DLGAP1: variants seen among roughly 807,000 people sequenced by gnomAD.
DLGAP1 encodes the protein DLG associated protein 1.
Under a neutral mutation model 90.8 loss-of-function variants are expected in DLGAP1, and 11 were observed. That is an observed-to-expected ratio of 0.12 (90% CI 0.08 to 0.20). The LOEUF is 0.20. DLGAP1 is among the 10% of genes least tolerant of loss of function. The pLI, the probability that DLGAP1 is intolerant of heterozygous loss-of-function variation, is 1.00. For synonymous variants in DLGAP1, 558 were observed against 540.7 expected (o/e 1.03, Z -0.44); for missense variants, 1,050 against 1,333.8 (o/e 0.79, Z 3.31).
chr18:4,089,970 G>A (rs1041488983), intron 2 of DLGAP1, among the ~76,000 whole-genome samples: 3 of 152,110 alleles, frequency 2.0e-5, no homozygotes, highest in East Asian at 1.9e-4. Context: ...GCGTGAACCC[G>A]GGAGGCGGAG....
At chr18:4,419,461 AG>A (rs2144669199) in intron 1 of DLGAP1, among the ~76,000 whole-genome samples, 1 of 151,608 alleles carries the variant, frequency 6.6e-6, no homozygotes, top group South Asian at 2.1e-4. Flanking sequence ...GATAGCAAAC[AG>A]GAACTTCAAT....
At chr18:3,755,689 T>C (rs1444529418) in intron 5 of DLGAP1, among the ~76,000 whole-genome samples, 1 of 152,166 alleles carries the variant, frequency 6.6e-6, no homozygotes, top group Non-Finnish European at 1.5e-5. Flanking sequence ...CTGACAGAAT[T>C]GAAGGTATAA....
chr18:4,291,558 A>C (rs2079849310), intron 1 of DLGAP1, among the ~76,000 whole-genome samples: 1 of 152,180 alleles, frequency 6.6e-6, no homozygotes, highest in South Asian at 2.1e-4. Flanking sequence ...ACATACATAC[A>C]TACATACACA....
intron 8 of DLGAP1, among the ~76,000 whole-genome samples, chr18:3,576,977 C>T (rs1254767834): frequency 1.3e-5 from 2 of 152,100 alleles, no homozygotes; most frequent in Non-Finnish European, 1.5e-5. Flanking sequence ...ATTCTTCTGC[C>T]TCAGCCTCCT....
At position 3,517,535 on chromosome 18, in the gene DLGAP1, T is replaced by G. The variant is rs2050913280; in HGVS notation, c.2480-8874A>C. On this transcript the variant is annotated intron_variant, in intron 10 of 12. Transcript: ENST00000315677. The surrounding 1 kb of genome is among the most constrained non-coding windows in gnomAD (Gnocchi z 4.1). ...CAGCTTTCATAGAATTGAAGAGAGT[T>G]GGCCGGGCGCGGTGGCTCATGCCTG... Among the ~76,000 whole-genome samples the G allele has an allele frequency of 6.6e-6, 1 of 152,160 alleles. No individual in the cohort carries two copies. Among genetic ancestry groups the G allele is most frequent in the Non-Finnish European group, 1.5e-5 (1 of 68,018 alleles).
intron 1 of DLGAP1, among the ~76,000 whole-genome samples, chr18:4,161,464 G>A (rs561135425): frequency 6.6e-6 from 1 of 152,214 alleles, no homozygotes; most frequent in African/African-American, 2.4e-5. Context: ...TGGTATATAT[G>A]TACCACATTT....
intron 9 of DLGAP1, among the ~76,000 whole-genome samples, chr18:3,563,999 T>A (rs2054295031): frequency 6.6e-6 from 1 of 152,226 alleles, no homozygotes; most frequent in Non-Finnish European, 1.5e-5. Flanking sequence ...TTAGAGCCCT[T>A]AGCATATTAA....
chr18:4,222,544 A>G (rs1037114739), intron 1 of DLGAP1, among the ~76,000 whole-genome samples: 2 of 152,160 alleles, frequency 1.3e-5, no homozygotes, highest in Non-Finnish European at 2.9e-5. Flanking sequence ...AGCAACAACA[A>G]TGGAAGTCAG....
intron 4 of DLGAP1, among the ~76,000 whole-genome samples, chr18:3,863,681 G>T (rs1231867864): frequency 2.6e-5 from 4 of 152,174 alleles, no homozygotes. Context: ...GAATCTGAGG[G>T]TATTTTCCTC....
intron 7 of DLGAP1, among the ~76,000 whole-genome samples, chr18:3,690,094 GTTTTTTT>G (rs77999372): frequency 8.6e-6 from 1 of 116,880 alleles, no homozygotes; most frequent in Non-Finnish European, 1.7e-5. Context: ...GCTGGGTGAG[GTTTTTTT>G]TTTTTTTTTT....
chr18:3,696,716 T>C (rs1308041962), intron 7 of DLGAP1, among the ~76,000 whole-genome samples: 1 of 152,160 alleles, frequency 6.6e-6, no homozygotes, highest in African/African-American at 2.4e-5. Context: ...CCTCATAAAG[T>C]GAGTTAGGGA....
At chr18:3,955,714 CAAA>C (rs1201869271) in intron 3 of DLGAP1, among the ~76,000 whole-genome samples, 2 of 123,720 alleles carry the variant, frequency 1.6e-5, no homozygotes, top group Admixed American at 8.1e-5. Flanking sequence ...AACTCCGTCT[CAAA>C]AAAAAAAAAA....
chr18:4,174,856 T>C (rs1390403788), intron 1 of DLGAP1, among the ~76,000 whole-genome samples: 1 of 152,194 alleles, frequency 6.6e-6, no homozygotes, highest in East Asian at 1.9e-4. Context: ...AGTAAGAACA[T>C]GCAGTGTTTG....
intron 3 of DLGAP1, among the ~76,000 whole-genome samples, chr18:3,962,623 G>A (rs1599227611): frequency 1.3e-5 from 2 of 151,884 alleles, no homozygotes; most frequent in Non-Finnish European, 2.9e-5. Context: ...GACGTTTGAG[G>A]TTTGGCTCTA....
chr18:4,222,570 T>C (rs1054527578), intron 1 of DLGAP1, among the ~76,000 whole-genome samples: 8 of 152,080 alleles, frequency 5.3e-5, no homozygotes, highest in Non-Finnish European at 1.2e-4. Context: ...AGTGGAGTAA[T>C]ATAAAAACTA....
chr18:3,980,358 G>GGAA (rs2073700413), intron 3 of DLGAP1, among the ~76,000 whole-genome samples: 1 of 152,044 alleles, frequency 6.6e-6, no homozygotes, highest in African/African-American at 2.4e-5. Flanking sequence ...GGAGCATAGA[G>GGAA]GAAGACGGCT....
At chr18:3,890,221 T>C (rs183905827) in intron 3 of DLGAP1, among the ~76,000 whole-genome samples, 1 of 152,340 alleles carries the variant, frequency 6.6e-6, no homozygotes, top group Admixed American at 6.5e-5. Context: ...TTTATACCCA[T>C]TTAAGTATTT....
intron 2 of DLGAP1, among the ~76,000 whole-genome samples, chr18:4,114,403 C>A (rs994555644): frequency 6.6e-6 from 1 of 151,882 alleles, no homozygotes; most frequent in South Asian, 2.1e-4. Flanking sequence ...TGATTTGGCT[C>A]TCTGCTTGAA....
intron 10 of DLGAP1, among the ~76,000 whole-genome samples, chr18:3,524,211 T>C (rs1426623461): frequency 6.6e-6 from 1 of 151,436 alleles, no homozygotes; most frequent in East Asian, 2.0e-4. Context: ...GGCAGTTAAG[T>C]CTGCAGTAAG....
Sources: allele counts gnomAD v4.1 joint callset (sites outside exome capture counted in the v4.1 genomes callset), GRCh38; gene constraint gnomAD v4.1.1; non-coding constraint Gnocchi (gnomAD v3.1); transcripts MANE v1.5; gene names NCBI Gene and HGNC (gene_info 2026-07-23, HGNC 2026-07-21).